Variants in KCNH5 observed in about 807,000 individuals in gnomAD.
The protein encoded by KCNH5 is potassium voltage-gated channel subfamily H member 5.
In KCNH5, 46 loss-of-function variants were observed where a neutral mutation model predicts 96.1. That is an observed-to-expected ratio of 0.48 (90% confidence interval 0.38 to 0.61). The LOEUF (loss-of-function observed/expected upper bound fraction) is 0.61. KCNH5 is among the 20% of genes least tolerant of loss of function. KCNH5 has a pLI of 0.00. For missense variants in KCNH5, 907 were observed against 1,225.8 expected (o/e 0.74, Z 3.88); for synonymous variants, 439 against 449.8 (o/e 0.98, Z 0.30).
At chr14:62,931,578 C>A (rs1170118655) in intron 7 of KCNH5, among the ~76,000 whole-genome samples, 3 of 152,074 alleles carry the variant, frequency 2.0e-5, no homozygotes, top group Admixed American at 6.6e-5. Context: ...GTAACTAACT[C>A]ATCAGATCCA....
chr14:62,861,921 A>T (rs1345640275), intron 7 of KCNH5, among the ~76,000 whole-genome samples: 1 of 152,214 alleles, frequency 6.6e-6, no homozygotes, highest in African/African-American at 2.4e-5. Flanking sequence ...CAGCTACAGA[A>T]GAAAAAAAAG....
chr14:62,866,704 TC>T (rs1182654812), intron 7 of KCNH5, among the ~76,000 whole-genome samples: 1 of 152,108 alleles, frequency 6.6e-6, no homozygotes, highest in Non-Finnish European at 1.5e-5. Context: ...CAGCTAAGTG[TC>T]CCAGCTTTCA....
intron 7 of KCNH5, among the ~76,000 whole-genome samples, chr14:62,937,989 T>G (rs1427338752): frequency 6.6e-6 from 1 of 152,124 alleles, no homozygotes; most frequent in South Asian, 2.1e-4. Context: ...CTAAGAAAAG[T>G]TCCCGAGGTC....
rs373945954 is a variant in KCNH5, at chr14:62,738,319, C to T, written c.2020-29864G>A. Among the ~76,000 whole-genome samples the T allele has an allele frequency of 1.1e-4, 16 of 152,164 alleles. No individual in the cohort carries two copies. The East Asian group carries it at 2.5e-3, about 24-fold the overall frequency. On this transcript the variant is annotated intron_variant, in intron 10 of 10. Transcript: ENST00000322893. Reference sequence around the variant, plus strand: ...AAAATGTTTTTTTTCTAGAATTTTACATTTAACATTTTCAGATTGCAGTTG... The same window carrying T: ...AAAATGTTTTTTTTCTAGAATTTTATATTTAACATTTTCAGATTGCAGTTG...
intron 10 of KCNH5, among the ~76,000 whole-genome samples, chr14:62,733,780 C>G (rs1163873470): frequency 6.6e-6 from 1 of 152,204 alleles, no homozygotes; most frequent in African/African-American, 2.4e-5. Context: ...AATCTCTTGG[C>G]AACCATGATA....
chr14:62,981,416 A>T (rs1356705123), intron 5 of KCNH5, 152 bp from the exon 6 acceptor site: 1 of 675,986 alleles, frequency 1.5e-6, no homozygotes, highest in African/African-American at 1.8e-5. Context: ...TGTTCAGAGG[A>T]AGTCACTCCA....
chr14:62,784,487 G>A (rs1320252928), intron 9 of KCNH5, among the ~76,000 whole-genome samples: 1 of 152,156 alleles, frequency 6.6e-6, no homozygotes, highest in East Asian at 1.9e-4. Flanking sequence ...TTTAAGTGGT[G>A]TGTTTATGGG....
At chr14:62,751,958 T>C (rs1196299780) in intron 10 of KCNH5, among the ~76,000 whole-genome samples, 1 of 152,208 alleles carries the variant, frequency 6.6e-6, no homozygotes, top group Non-Finnish European at 1.5e-5. Flanking sequence ...CCTGATGGCC[T>C]CAACTAAACG....
intron 7 of KCNH5, among the ~76,000 whole-genome samples, chr14:62,934,917 G>T (rs908372082): frequency 6.6e-6 from 1 of 152,108 alleles, no homozygotes; most frequent in Admixed American, 6.6e-5. Flanking sequence ...AACTATAGGA[G>T]GTAACAAGAG....
chr14:62,757,364 C>T (rs909544462), intron 10 of KCNH5, among the ~76,000 whole-genome samples: 3 of 152,136 alleles, frequency 2.0e-5, no homozygotes, highest in African/African-American at 4.8e-5. Context: ...TAGTACAGCA[C>T]TATGGAGAAC....
At chr14:62,800,724 G>A (rs750473119) in intron 9 of KCNH5, among the ~76,000 whole-genome samples, 18 of 152,014 alleles carry the variant, frequency 1.2e-4, no homozygotes, top group Non-Finnish European at 2.5e-4. Flanking sequence ...TGCTTAGTGT[G>A]TATGTATCCT....
intron 8 of KCNH5, among the ~76,000 whole-genome samples, chr14:62,803,371 G>A (rs1886704076): frequency 6.6e-6 from 1 of 152,072 alleles, no homozygotes; most frequent in Non-Finnish European, 1.5e-5. Flanking sequence ...ACTGGCACTG[G>A]CAGACTAACT....
intron 6 of KCNH5, among the ~76,000 whole-genome samples, chr14:62,960,872 T>C (rs2749405): frequency 0.21 from 32,165 of 152,076 alleles, 3,910 homozygotes; most frequent in Non-Finnish European, 0.29. Flanking sequence ...GCATAAAACC[T>C]GTATTAGCCA....
At chr14:62,778,131 A>T (rs936316467) in intron 10 of KCNH5, among the ~76,000 whole-genome samples, 1 of 152,154 alleles carries the variant, frequency 6.6e-6, no homozygotes, top group Non-Finnish European at 1.5e-5. Flanking sequence ...GGAAGATTTT[A>T]AAATGCACAT....
At chr14:62,864,112 A>T (rs531844873) in intron 7 of KCNH5, among the ~76,000 whole-genome samples, 1 of 152,316 alleles carries the variant, frequency 6.6e-6, no homozygotes, top group African/African-American at 2.4e-5. Context: ...GGGGATGCTT[A>T]CAAAATGTTA....
intron 8 of KCNH5, among the ~76,000 whole-genome samples, chr14:62,826,574 A>G (rs1887232053): frequency 6.6e-6 from 1 of 152,048 alleles, no homozygotes; most frequent in Non-Finnish European, 1.5e-5. Flanking sequence ...ATAAATATGT[A>G]TCTTTATAAT....
chr14:62,731,164 G>T (rs1034614544), intron 10 of KCNH5, among the ~76,000 whole-genome samples: 6 of 151,924 alleles, frequency 3.9e-5, no homozygotes, highest in Admixed American at 1.3e-4. Context: ...AGCTGGGCAT[G>T]GTGGTGGGTG....
intron 9 of KCNH5, among the ~76,000 whole-genome samples, chr14:62,786,908 T>A (rs149792700): frequency 7.6e-4 from 116 of 152,264 alleles, no homozygotes; most frequent in Middle Eastern, 3.4e-3. Context: ...ACTCCACTGA[T>A]CTATCATTCC....
chr14:63,003,765 C>G (rs1315476035), intron 3 of KCNH5, among the ~76,000 whole-genome samples: 1 of 149,420 alleles, frequency 6.7e-6, no homozygotes, highest in Non-Finnish European at 1.5e-5. Context: ...GACTACAAGG[C>G]GCCTGCCACC....
Sources: allele counts gnomAD v4.1 joint callset (sites outside exome capture counted in the v4.1 genomes callset), GRCh38; gene constraint gnomAD v4.1.1; transcripts MANE v1.5; gene names NCBI Gene and HGNC (gene_info 2026-07-23, HGNC 2026-07-21).